The following AK8 variants were observed in gnomAD, a reference collection of about 807,000 sequenced individuals.
AK8 encodes the protein adenylate kinase 8, also known as ATP-AMP transphosphorylase 8.
A neutral mutation model predicts 54.6 loss-of-function variants in AK8; 44 were observed. The ratio of observed to expected loss-of-function variants is 0.81; its 90% CI spans 0.63 to 1.04. The LOEUF is 1.04. Ranked by LOEUF, AK8 falls within the 50% of genes least tolerant of loss-of-function variation. The pLI, the probability that AK8 is intolerant of heterozygous loss-of-function variation, is 0.00. For synonymous variants in AK8, 239 were observed against 245.6 expected, an observed-to-expected ratio of 0.97 and a Z score of 0.25; for missense variants, 555 against 613.6, an observed-to-expected ratio of 0.90 and a Z score of 1.01.
rs1255415860 is a variant in AK8 at position 132,792,768 on chromosome 9, G to T, written c.987C>A (p.Asp329Glu). Reference sequence around the variant, plus strand: ...GGCTCAGCACCTTCATGAGGAGGCTGTCAGGAACTGCAGAGAAGGGGGGCA... The same window carrying T: ...GGCTCAGCACCTTCATGAGGAGGCTTTCAGGAACTGCAGAGAAGGGGGGCA... ...PFFEKEMAVP[D>E]SLLMKVLSQR... The change falls in exon 11 of 13, where the codon GAC becomes GAA. Residue 329 changes from aspartate to glutamate, a missense_variant. By Grantham distance (45) the Asp-to-Glu change is conservative (BLOSUM62 2). Coordinates refer to ENST00000298545, the MANE Select transcript of AK8 (RefSeq NM_152572.3). 6.4e-7 allele frequency: 1 copy of T among 1,559,644 alleles called. No individual in the cohort carries two copies. Among genetic ancestry groups the T allele is most frequent in the East Asian group, 2.4e-5 (1 of 41,718 alleles).
At chr9:132,817,052 G>GA (rs1256944288) in intron 9 of AK8, among the ~76,000 whole-genome samples, 1 of 152,208 alleles carries the variant, frequency 6.6e-6, no homozygotes, top group Non-Finnish European at 1.5e-5. Flanking sequence ...GAACTGAATG[G>GA]AAATTCACAC....
chr9:132,763,156 G>C (rs978302375), intron 11 of AK8, among the ~76,000 whole-genome samples: 8 of 152,244 alleles, frequency 5.3e-5, no homozygotes, highest in Admixed American at 2.6e-4. Flanking sequence ...GCCGGCTGCT[G>C]TATGACACCA....
rs1839944051 is a variant in AK8, at chr9:132,791,489, G to A, written c.1121+1145C>T. ...TCAATGGCAGTTTCTTTTTGTACAT[G>A]ATAAAATCATTATAGTGCTCGTTTG... On this transcript the variant is annotated intron_variant, in intron 11 of 12. Transcript: ENST00000298545. The surrounding 1 kb of genome is among the most constrained non-coding windows in gnomAD (Gnocchi z 4.0). Among the ~76,000 whole-genome samples, 1 of 152,118 alleles carries A rather than the reference G, an allele frequency of 6.6e-6. No homozygotes were observed. The highest frequency in any genetic ancestry group is 2.4e-5 in the African/African-American group (1 of 41,404).
intron 11 of AK8, among the ~76,000 whole-genome samples, chr9:132,751,222 A>G (rs1012931246): frequency 2.0e-5 from 3 of 151,554 alleles, no homozygotes; most frequent in Non-Finnish European, 4.4e-5. Context: ...CATGTCTACT[A>G]AAAATACAAA....
At chr9:132,765,907 T>C (rs1729147008) in intron 11 of AK8, among the ~76,000 whole-genome samples, 1 of 152,236 alleles carries the variant, frequency 6.6e-6, no homozygotes, top group Non-Finnish European at 1.5e-5. Flanking sequence ...TTATCCCTGT[T>C]TGCAGATAGC....
intron 4 of AK8, among the ~76,000 whole-genome samples, chr9:132,862,155 C>T (rs935401722): frequency 5.3e-5 from 8 of 152,170 alleles, no homozygotes; most frequent in Admixed American, 1.3e-4. Flanking sequence ...AGGCTGGTGT[C>T]CCCGCAAGCT....
intron 11 of AK8, among the ~76,000 whole-genome samples, chr9:132,732,253 T>C (rs1020994633): frequency 5.3e-5 from 8 of 152,212 alleles, no homozygotes. Context: ...TCTTTCAGCA[T>C]TGTGATTTTC....
intron 11 of AK8, among the ~76,000 whole-genome samples, chr9:132,784,795 A>T (rs886506329): frequency 6.6e-6 from 1 of 152,238 alleles, no homozygotes; most frequent in Non-Finnish European, 1.5e-5. Context: ...TCAAAGACAT[A>T]ATCCATTCAA....
chr9:132,824,417 T>C (rs1456230647), intron 8 of AK8, among the ~76,000 whole-genome samples: 1 of 152,096 alleles, frequency 6.6e-6, no homozygotes, highest in Non-Finnish European at 1.5e-5. Context: ...GGTGCCGTGC[T>C]GGGTGAGGGG....
chr9:132,833,441 G>A (rs1842187581), intron 5 of AK8, among the ~76,000 whole-genome samples: 2 of 152,218 alleles, frequency 1.3e-5, no homozygotes, highest in Admixed American at 1.3e-4. Flanking sequence ...GGCTGGATGT[G>A]GAGGTATCAG....
intron 11 of AK8, among the ~76,000 whole-genome samples, chr9:132,753,840 C>T (rs553329838): frequency 6.6e-6 from 1 of 152,194 alleles, no homozygotes; most frequent in Non-Finnish European, 1.5e-5. Context: ...GGAGCATGCA[C>T]GAAGGTCTCC....
upstream of AK8, chr9:132,878,582 G>A (rs1174996259): frequency 9.0e-7 from 1 of 1,114,834 alleles, no homozygotes; most frequent in East Asian, 4.8e-5. The surrounding 1 kb of genome is among the most constrained non-coding windows in gnomAD (Gnocchi z 4.7). Flanking sequence ...CCGAGGGGAC[G>A]GGAGGCAGAA....
intron 5 of AK8, among the ~76,000 whole-genome samples, chr9:132,846,959 T>C (rs942258398): frequency 5.9e-5 from 9 of 152,354 alleles, no homozygotes; most frequent in Admixed American, 3.9e-4. Context: ...CTCAGACGCA[T>C]GCTCCATTCA....
intron 5 of AK8, among the ~76,000 whole-genome samples, chr9:132,841,020 A>G (rs926787876): frequency 2.0e-5 from 3 of 151,998 alleles, no homozygotes; most frequent in Admixed American, 1.3e-4. Flanking sequence ...AAAAGCATCA[A>G]CTCTAAGTGG....
At chr9:132,796,770 TACACACACACACACACACAC>T (rs10590924) in intron 10 of AK8, among the ~76,000 whole-genome samples, 2,032 of 142,410 alleles carry the variant, frequency 0.014, 23 homozygotes, top group Non-Finnish European at 0.022. Flanking sequence ...ACATACATGC[TACACACACACACACACACAC>T]ACACACACAC....
chr9:132,844,739 A>G (rs552684629), intron 5 of AK8, among the ~76,000 whole-genome samples: 7 of 152,328 alleles, frequency 4.6e-5, no homozygotes, highest in South Asian at 2.1e-4. Flanking sequence ...TCACAGAACT[A>G]TAAGACTAGA....
chr9:132,853,089 G>A (rs1843032568), intron 5 of AK8, among the ~76,000 whole-genome samples: 1 of 152,060 alleles, frequency 6.6e-6, no homozygotes, highest in African/African-American at 2.4e-5. Context: ...GGGCACGGTA[G>A]CTCACACCTG....
rs965374543 is a variant in AK8 at position 132,725,631 on chromosome 9, G to A, written c.*57C>T. 55 of 1,456,428 alleles carry A rather than the reference G, an allele frequency of 3.8e-5. No homozygotes were observed. Among genetic ancestry groups the A allele is most frequent in the Admixed American group, 2.6e-4 (13 of 49,712 alleles). 90.2% of individuals were successfully genotyped at this position (1,456,428 alleles called of 1,614,324 possible). A position where few individuals can be genotyped will look rare whatever the true frequency, so the allele number is the denominator to read the frequency against. On this transcript the variant is annotated 3_prime_UTR_variant, in exon 13 of 13. Transcript: ENST00000298545. ...TAGGGGAGCTGTGCCGAGGCTGGGG[G>A]GCTGGGGGCAGGGGATTAACTCTTT...
Position 132,823,342 on chromosome 9 carries a change from AAG to A in AK8, c.758-8_758-7del, listed in dbSNP as rs770250161. On this transcript the variant is annotated splice_region_variant and splice_polypyrimidine_tract_variant and intron_variant, in intron 8 of 12. Coordinates refer to ENST00000298545, the MANE Select transcript of AK8 (RefSeq NM_152572.3). ...GCTTTGGACATAGGTCAGAGCTGGAAAGAGAGGATATGAGGATAATAAACCCA... is the reference window on the plus strand; with the variant it reads ...GCTTTGGACATAGGTCAGAGCTGGAAAGAGGATATGAGGATAATAAACCCA... 5.0e-6 allele frequency: 8 copies of A among 1,613,794 alleles called. No homozygotes were observed. Among genetic ancestry groups the A allele is most frequent in the Admixed American group, 1.7e-5 (1 of 60,018 alleles).
Sources: gnomAD v4.1 joint callset for allele counts (sites outside exome capture counted in the v4.1 genomes callset) on GRCh38, gnomAD v4.1.1 for gene constraint, Gnocchi (gnomAD v3.1) non-coding constraint, MANE v1.5 for transcripts, NCBI Gene and HGNC (gene_info 2026-07-23, HGNC 2026-07-21) for gene names.